TENM2: variants seen among roughly 807,000 people sequenced by gnomAD.
TENM2 encodes teneurin transmembrane protein 2.
TENM2 carries 52 observed loss-of-function variants against 245.2 expected under a neutral mutation model. That is an observed-to-expected ratio of 0.21 (90% confidence interval 0.17 to 0.27). The LOEUF is 0.27. Among genes scored for constraint, TENM2 ranks in the 10% least tolerant of loss-of-function variants. The pLI, the probability that TENM2 is intolerant of heterozygous loss-of-function variation, is 1.00. For missense variants in TENM2, 3,046 were observed against 3,666.8 expected, an observed-to-expected ratio of 0.83 and a Z score of 4.37; for synonymous variants, 1,363 against 1,438.9, an observed-to-expected ratio of 0.95 and a Z score of 1.19.
At chr5:167,340,954 C>A (rs1015136452) in intron 1 of TENM2, among the ~76,000 whole-genome samples, 1 of 152,150 alleles carries the variant, frequency 6.6e-6, no homozygotes, top group Non-Finnish European at 1.5e-5. Context: ...GAAGTGGGAG[C>A]TTGCTCGGCT....
intron 5 of TENM2, among the ~76,000 whole-genome samples, chr5:168,044,512 T>C (rs1420977350): frequency 6.6e-6 from 1 of 152,186 alleles, no homozygotes; most frequent in African/African-American, 2.4e-5. Flanking sequence ...TGATTATGTG[T>C]TTTTTAATTT....
chr5:167,881,560 C>T (rs775231553), intron 3 of TENM2, among the ~76,000 whole-genome samples: 2 of 152,186 alleles, frequency 1.3e-5, no homozygotes, highest in African/African-American at 2.4e-5. Context: ...GTGCAAACAT[C>T]ATTCACTTTC....
At chr5:167,870,724 A>G (rs6860132) in intron 2 of TENM2, among the ~76,000 whole-genome samples, 27,920 of 142,836 alleles carry the variant, frequency 0.2, 3,115 homozygotes, top group East Asian at 0.39. Context: ...ATATATATAT[A>G]TGTGTGATAA....
chr5:167,517,971 G>A (rs1770498899), intron 2 of TENM2, among the ~76,000 whole-genome samples: 1 of 152,042 alleles, frequency 6.6e-6, no homozygotes, highest in South Asian at 2.1e-4. Flanking sequence ...CAGATCACTT[G>A]AGGTCAGGAG....
chr5:167,225,517 A>G, the TENM2 span, among the ~76,000 whole-genome samples: 4 of 152,030 alleles, frequency 2.6e-5, no homozygotes, highest in East Asian at 1.9e-4. Context: ...ATAAATTCCA[A>G]TTGATCATGA....
intron 5 of TENM2, among the ~76,000 whole-genome samples, chr5:168,022,739 T>C (rs551076195): frequency 6.6e-6 from 1 of 152,366 alleles, no homozygotes; most frequent in South Asian, 2.1e-4. Context: ...AGTGTTTCTT[T>C]TTATTTCCCA....
chr5:167,384,706 G>GCACACACACGCACACA (rs142760328), intron 2 of TENM2, among the ~76,000 whole-genome samples: 31 of 151,792 alleles, frequency 2.0e-4, no homozygotes, highest in South Asian at 1.7e-3. Context: ...ACGCGTGCGC[G>GCACACACACGCACACA]CACACACGCA....
At chr5:167,766,571 G>A (rs1432374934) in intron 2 of TENM2, among the ~76,000 whole-genome samples, 3 of 152,150 alleles carry the variant, frequency 2.0e-5, no homozygotes, top group Middle Eastern at 3.2e-3. Flanking sequence ...GTGTTTACAA[G>A]GATATGGAGA....
At chr5:167,564,786 C>A (rs1773800872) in intron 2 of TENM2, among the ~76,000 whole-genome samples, 1 of 152,146 alleles carries the variant, frequency 6.6e-6, no homozygotes. Context: ...AAAAGGCTTT[C>A]TTTCATGGGG....
At chr5:167,203,395 C>T in the TENM2 span, among the ~76,000 whole-genome samples, 1 of 152,182 alleles carries the variant, frequency 6.6e-6, no homozygotes, top group South Asian at 2.1e-4. Flanking sequence ...TCTGGAATCC[C>T]CTTCCTTCTT....
the TENM2 span, among the ~76,000 whole-genome samples, chr5:167,215,126 G>T: frequency 2.0e-5 from 3 of 152,170 alleles, no homozygotes; most frequent in Non-Finnish European, 2.9e-5. Context: ...CCTTCAAGAT[G>T]CAGTTCATAT....
At chr5:167,829,768 T>C (rs922074116) in intron 2 of TENM2, among the ~76,000 whole-genome samples, 15 of 152,340 alleles carry the variant, frequency 9.8e-5, no homozygotes, top group African/African-American at 3.4e-4. Flanking sequence ...CCAGTTGGTC[T>C]GATACTAGAA....
chr5:167,645,438 A>C (rs279397), intron 2 of TENM2, among the ~76,000 whole-genome samples: 133,941 of 151,910 alleles, frequency 0.88, 59,164 homozygotes, highest in Middle Eastern at 0.91. Context: ...TAGCAAGCAA[A>C]AATAAAATCC....
At chr5:168,196,461 G>T (rs938088903) in intron 15 of TENM2, among the ~76,000 whole-genome samples, 36 of 152,010 alleles carry the variant, frequency 2.4e-4, no homozygotes, top group African/African-American at 8.2e-4. Context: ...GGGTTTTTTT[G>T]TTTGTTTGTT....
intron 2 of TENM2, among the ~76,000 whole-genome samples, chr5:167,574,313 G>T (rs957619914): frequency 8.5e-5 from 13 of 152,300 alleles, no homozygotes; most frequent in Admixed American, 2.0e-4. Flanking sequence ...TTTGCATTAC[G>T]TTAAATTCTA....
At chr5:167,403,694 T>C (rs1762483215) in intron 2 of TENM2, among the ~76,000 whole-genome samples, 3 of 152,160 alleles carry the variant, frequency 2.0e-5, no homozygotes, top group African/African-American at 7.2e-5. Context: ...ATATTAAAGT[T>C]GAAGTATAAG....
At chr5:167,237,588 C>T in the TENM2 span, among the ~76,000 whole-genome samples, 1 of 152,040 alleles carries the variant, frequency 6.6e-6, no homozygotes, top group Admixed American at 6.5e-5. Context: ...GAATATTGTC[C>T]TACTTGTTGT....
chr5:167,941,089 A>T (rs1452092835), intron 3 of TENM2, among the ~76,000 whole-genome samples: 1 of 152,242 alleles, frequency 6.6e-6, no homozygotes, highest in Non-Finnish European at 1.5e-5. Flanking sequence ...ACAAATTGCT[A>T]ATTCATGACT....
chr5:167,317,271 G>T (rs1445516997), intron 1 of TENM2, among the ~76,000 whole-genome samples: 5 of 151,964 alleles, frequency 3.3e-5, no homozygotes, highest in East Asian at 1.9e-4. Flanking sequence ...GACATCAATT[G>T]ATTTTATATT....
Sources: allele counts gnomAD v4.1 joint callset (sites outside exome capture counted in the v4.1 genomes callset), GRCh38; gene constraint gnomAD v4.1.1; transcripts MANE v1.5; gene names NCBI Gene and HGNC (gene_info 2026-07-23, HGNC 2026-07-21).